Variants in ANKFN1 observed in about 807,000 individuals in gnomAD.
ANKFN1 encodes the protein ankyrin repeat and fibronectin type III domain containing 1, also known as ankyrin repeat and fibronectin type-III domain-containing protein 1.
Under a neutral mutation model 108.7 loss-of-function variants are expected in ANKFN1, and 74 were observed. That is an observed-to-expected ratio of 0.68 (90% CI 0.56 to 0.83). The LOEUF (loss-of-function observed/expected upper bound fraction) is 0.83, where lower values mean the gene tolerates loss of function less well. Ranked by LOEUF, ANKFN1 falls within the 40% of genes least tolerant of loss-of-function variation. ANKFN1 has a pLI of 0.00. For synonymous variants in ANKFN1, 547 were observed against 516.2 expected (o/e 1.06, Z -0.81); for missense variants, 1,505 against 1,382.3 (o/e 1.09, Z -1.41).
chr17:56,498,698 C>A (rs190295809), intron 19 of ANKFN1, among the ~76,000 whole-genome samples, 184 bp from the exon 20 acceptor site: 1 of 152,046 alleles, frequency 6.6e-6, no homozygotes, highest in Non-Finnish European at 1.5e-5. Flanking sequence ...GGTAAAAATA[C>A]GCAAAACAAA....
At chr17:56,168,210 TGA>T (rs1451817167) in intron 1 of ANKFN1, among the ~76,000 whole-genome samples, 1 of 141,906 alleles carries the variant, frequency 7.0e-6, no homozygotes, top group Non-Finnish European at 1.5e-5. Flanking sequence ...GAGGTTGCAG[TGA>T]GAGGAGATCC....
chr17:56,384,515 T>C (rs1307457520), intron 8 of ANKFN1, among the ~76,000 whole-genome samples: 1 of 152,138 alleles, frequency 6.6e-6, no homozygotes, highest in Non-Finnish European at 1.5e-5. Context: ...GGTATTCAAT[T>C]AGGAAAAGAG....
At chr17:56,263,598 T>G (rs2043575577) in intron 3 of ANKFN1, among the ~76,000 whole-genome samples, 1 of 152,224 alleles carries the variant, frequency 6.6e-6, no homozygotes, top group Admixed American at 6.5e-5. Flanking sequence ...GAGACTGGTG[T>G]CTCCAAAAGC....
intron 17 of ANKFN1, 71 bp downstream of exon 17, chr17:56,480,889 G>GTGTT: frequency 8.8e-7 from 1 of 1,133,724 alleles, no homozygotes; most frequent in Non-Finnish European, 1.2e-6. Context: ...ATTAAGTGGG[G>GTGTT]TGTGTGTGTG....
chr17:56,071,778 A>G (rs1419262854), intron 4 of ANKFN1, among the ~76,000 whole-genome samples: 1 of 152,252 alleles, frequency 6.6e-6, no homozygotes, highest in African/African-American at 2.4e-5. Flanking sequence ...CAAGACAAGG[A>G]CATATCCCAG....
At chr17:56,502,522 T>C (rs1055978862) in intron 20 of ANKFN1, among the ~76,000 whole-genome samples, 3 of 152,162 alleles carry the variant, frequency 2.0e-5, no homozygotes, top group Non-Finnish European at 4.4e-5. Flanking sequence ...TGGAACCTAA[T>C]GATGGGGAAG....
chr17:56,406,755 A>G (rs1428194947), intron 8 of ANKFN1, among the ~76,000 whole-genome samples: 1 of 152,186 alleles, frequency 6.6e-6, no homozygotes, highest in African/African-American at 2.4e-5. Context: ...GATCTTTGGT[A>G]TAAGTTATAG....
Position 56,325,273 on chromosome 17 carries a change from TG to T in ANKFN1, c.54-947del. Among the ~76,000 whole-genome samples the T allele has an allele frequency of 1.3e-5, 2 of 150,706 alleles. 1 individual carries two copies. Among genetic ancestry groups the T allele is most frequent in the African/African-American group, 4.9e-5 (2 of 40,704 alleles). On this transcript the variant is annotated intron_variant, in intron 3 of 20. Transcript: ENST00000682825. The stretch of plus-strand genomic sequence containing the variant: ...TGTTGCTAGTGTCGCTGTGTGTGTG[TG>T]TGTGTGTGTGTGTGTGTGCACGTGT...
intron 4 of ANKFN1, among the ~76,000 whole-genome samples, chr17:56,335,948 G>T (rs570392595): frequency 6.6e-6 from 1 of 152,186 alleles, no homozygotes; most frequent in Admixed American, 6.6e-5. Flanking sequence ...TTTGTCAAAG[G>T]CCTTTTCTGC....
chr17:56,309,056 A>G lies in ANKFN1; in HGVS notation c.54-17165A>G, dbSNP rs567726875. On this transcript the variant is annotated intron_variant, in intron 3 of 20. Transcript: ENST00000682825. ...GTCTTTATCCAGTTTTGTTACCAAG[A>G]TAATATCAGGTTTATAAGACAAAAT... Among the ~76,000 whole-genome samples, 119 of 152,284 alleles carry G rather than the reference A, an allele frequency of 7.8e-4. 1 individual carries two copies. The highest frequency in any genetic ancestry group is 2.8e-3 in the African/African-American group (115 of 41,562).
chr17:56,460,641 G>A (rs535518850), intron 14 of ANKFN1, among the ~76,000 whole-genome samples: 3 of 151,126 alleles, frequency 2.0e-5, no homozygotes, highest in South Asian at 4.2e-4. Context: ...TGCACAGACC[G>A]AACCTTCTTT....
At chr17:56,204,818 G>A (rs1376507596) in intron 1 of ANKFN1, among the ~76,000 whole-genome samples, 5 of 151,990 alleles carry the variant, frequency 3.3e-5, no homozygotes, top group Non-Finnish European at 5.9e-5. Context: ...GCTCACGCCC[G>A]TAATCCCAGC....
At chr17:56,237,184 G>A (rs966962379) in intron 3 of ANKFN1, among the ~76,000 whole-genome samples, 2 of 152,118 alleles carry the variant, frequency 1.3e-5, no homozygotes, top group African/African-American at 4.8e-5. Context: ...AAGGACGTTT[G>A]CATCAATGTT....
chr17:56,402,951 C>T (rs2047806866), intron 8 of ANKFN1, among the ~76,000 whole-genome samples: 1 of 152,048 alleles, frequency 6.6e-6, no homozygotes, highest in East Asian at 1.9e-4. Flanking sequence ...ATCTTGCTTT[C>T]GTTTTGACCC....
chr17:56,452,585 A>G (rs1407246942), intron 11 of ANKFN1, among the ~76,000 whole-genome samples: 2 of 152,140 alleles, frequency 1.3e-5, no homozygotes, highest in Non-Finnish European at 2.9e-5. Flanking sequence ...TCATATGGGC[A>G]AGACTTTCTG....
At chr17:56,349,753 T>C (rs898066372) in intron 4 of ANKFN1, among the ~76,000 whole-genome samples, 9 of 152,158 alleles carry the variant, frequency 5.9e-5, no homozygotes, top group African/African-American at 2.2e-4. Flanking sequence ...CCAAAATGTG[T>C]ATATTTATTA....
In ANKFN1 at chr17:56,251,885, T is replaced by G. The variant is rs115025041; in HGVS notation, c.53+23928T>G. On this transcript the variant is annotated intron_variant, in intron 3 of 20. Coordinates refer to ENST00000682825, the MANE Select transcript of ANKFN1 (RefSeq NM_001370326.1). ...GCTATTCAAGAATGTATTCATCCAC[T>G]CATTCATCCTTCTATCTATTTAGTA... 3.1e-3 allele frequency among the ~76,000 whole-genome samples: 470 copies of G among 152,340 alleles called. 2 individuals are homozygous for G. The highest frequency in any genetic ancestry group is 0.011 in the African/African-American group (445 of 41,584).
intron 8 of ANKFN1, among the ~76,000 whole-genome samples, chr17:56,412,387 G>T (rs2048117393): frequency 1.3e-5 from 2 of 152,136 alleles, no homozygotes; most frequent in Non-Finnish European, 2.9e-5. Flanking sequence ...AACTTGATTG[G>T]ATTGAAGGAT....
intron 4 of ANKFN1, among the ~76,000 whole-genome samples, chr17:56,078,843 C>T (rs1255556465): frequency 6.6e-6 from 1 of 152,152 alleles, no homozygotes; most frequent in East Asian, 1.9e-4. Flanking sequence ...AGGAGGAAGA[C>T]TTATTTTCTT....
Sources: gnomAD v4.1 joint callset for allele counts (sites outside exome capture counted in the v4.1 genomes callset) on GRCh38, gnomAD v4.1.1 for gene constraint, MANE v1.5 for transcripts, NCBI Gene and HGNC (gene_info 2026-07-23, HGNC 2026-07-21) for gene names.